Variants in UCKL1 observed in about 807,000 individuals in gnomAD.
UCKL1 encodes the protein uridine-cytidine kinase 1 like 1.
A neutral mutation model predicts 59.2 loss-of-function variants in UCKL1; 65 were observed. The ratio of observed to expected loss-of-function variants is 1.10; its 90% CI spans 0.90 to 1.35. The LOEUF (loss-of-function observed/expected upper bound fraction) is 1.35, where lower values mean the gene tolerates loss of function less well. UCKL1 is among the 40% of genes most tolerant of loss of function. UCKL1 has a pLI of 0.00. For synonymous variants in UCKL1, 410 were observed against 323.1 expected, an observed-to-expected ratio of 1.27 and a Z score of -2.88; for missense variants, 703 against 784.3, an observed-to-expected ratio of 0.90 and a Z score of 1.24.
At chr20:63,946,322 T>C (rs767903361) in intron 2 of UCKL1, 55 bp from the exon 3 acceptor site, 61 of 1,548,882 alleles carry the variant, frequency 3.9e-5, no homozygotes, top group Non-Finnish European at 5.3e-5. Context: ...CCGGCACAGA[T>C]AGGTCCCAGA....
In UCKL1 at chr20:63,940,666, C is replaced by G; in HGVS notation, c.1230G>C (p.Leu410=). ...TGCGCACGTCTTTGCACACAGCGCG[C>G]AGCGCGGGCTCCATGGTTTCACCGG... ...LRAGETMEPA[L]RAVCKDVRIG... The change falls in exon 12 of 15, where the codon CTG becomes CTC. Residue 410 remains leucine (L), a synonymous_variant. Coordinates refer to ENST00000354216, the MANE Select transcript of UCKL1 (RefSeq NM_017859.4). 1 of 1,608,876 alleles carries G rather than the reference C, an allele frequency of 6.2e-7. No individual in the cohort carries two copies. Among genetic ancestry groups the G allele is most frequent in the African/African-American group, 1.3e-5 (1 of 75,034 alleles).
Position 63,940,797 on chromosome 20 carries a change from C to A in UCKL1, c.1176G>T (p.Lys392Asn). 1 of 1,588,772 alleles carries A rather than the reference C, an allele frequency of 6.3e-7. No homozygotes were observed. The highest frequency in any genetic ancestry group is 8.6e-7 in the Non-Finnish European group (1 of 1,169,046). The change falls in exon 11 of 15, where the codon AAG becomes AAT. Residue 392 changes from lysine (K) to asparagine (N), a missense_variant. Physicochemically the swap from Lys to Asn is moderately conservative, Grantham distance 94. Coordinates refer to ENST00000354216, the MANE Select transcript of UCKL1 (RefSeq NM_017859.4). Reference protein sequence around the residue: ...QDYAGKCYAGKQITGVSILRA... With the variant: ...QDYAGKCYAGNQITGVSILRA... ...CCAGGTGTGCCCAGGCAGGTACCTG[C>A]TTCCCCGCATAGCACTTGCCCGCAT...
At chr20:63,954,590 G>A (rs76321513) in intron 1 of UCKL1, 12,322 of 152,412 alleles carry the variant, frequency 0.081, 672 homozygotes, top group Middle Eastern at 0.23. Context: ...TCGGGGAACA[G>A]TGAGAAAAGC....
Position 63,941,206 on chromosome 20 carries a change from G to A in UCKL1, c.926C>T (p.Ala309Val). The change falls in exon 9 of 15, where the codon GCT becomes GTT. Residue 309 changes from alanine (A) to valine (V), a missense_variant and splice_region_variant. By Grantham distance (64) the Ala-to-Val change is moderately conservative. Transcript: ENST00000354216. ...GCACTGGTGTGCCGAGGCCAGCGCA[G>A]CCCTGGGGACAAACCGATGGGGAAC... ...QLEERELSVR[A>V]ALASAHQCHP... The A allele has an allele frequency of 1.3e-6, 2 of 1,527,730 alleles. No homozygotes were observed. The highest frequency in any genetic ancestry group is 1.7e-6 in the Non-Finnish European group (2 of 1,143,208). 94.6% of individuals were successfully genotyped at this position (1,527,730 alleles called of 1,614,324 possible).
At position 63,940,414 on chromosome 20, in the gene UCKL1, C is replaced by T; in HGVS notation, c.1374G>A (p.Thr458=). 3.1e-6 allele frequency: 5 copies of T among 1,611,958 alleles called. No homozygotes were observed. The highest frequency in any genetic ancestry group is 3.4e-6 in the Non-Finnish European group (4 of 1,179,358). The change falls in exon 13 of 15, where the codon ACG becomes ACA. Residue 458 remains threonine, a synonymous_variant. Transcript: ENST00000354216. ...GCACTGCCATCATGGCCGCCGCGCC[C>T]GTGGACACGGTGCAGTCCATGAGGA... ...HVILMDCTVS[T]GAAAMMAVRV... is the part of the protein sequence containing the mutation.
At chr20:63,944,962 G>A (rs981359198) in intron 5 of UCKL1, among the ~76,000 whole-genome samples, 1 of 152,212 alleles carries the variant, frequency 6.6e-6, no homozygotes, top group Non-Finnish European at 1.5e-5. Flanking sequence ...GGAAGGAGTG[G>A]GGAGGTGGGG....
intron 2 of UCKL1, 70 bp downstream of exon 2, chr20:63,946,383 C>T: frequency 6.6e-7 from 1 of 1,521,812 alleles, no homozygotes; most frequent in Non-Finnish European, 8.9e-7. Flanking sequence ...CCTTCTCCTG[C>T]TCCACAGGCA....
At chr20:63,947,174 T>C (rs1335400441) in intron 1 of UCKL1, among the ~76,000 whole-genome samples, 1 of 151,792 alleles carries the variant, frequency 6.6e-6, no homozygotes, top group African/African-American at 2.4e-5. Flanking sequence ...ATCATCACTG[T>C]CCACACAGCA....
chr20:63,953,708 A>C (rs2058077469), intron 1 of UCKL1: 1 of 152,456 alleles, frequency 6.6e-6, no homozygotes, highest in South Asian at 2.1e-4. Flanking sequence ...AAAGAAAGGA[A>C]GAAAAATAAG....
chr20:63,941,805 G>C (rs1450474244), intron 8 of UCKL1, among the ~76,000 whole-genome samples: 3 of 152,106 alleles, frequency 2.0e-5, no homozygotes, highest in Admixed American at 6.5e-5. Context: ...GCAAGAAAGA[G>C]GTGGGACAGG....
At chr20:63,953,553 T>C (rs1394783861) in intron 1 of UCKL1, 2 of 150,712 alleles carry the variant, frequency 1.3e-5, no homozygotes, top group Admixed American at 1.3e-4. Flanking sequence ...ATACAAAAAA[T>C]TAGCTGGGCG....
chr20:63,943,883 G>A (rs944780056), intron 7 of UCKL1, among the ~76,000 whole-genome samples: 8 of 152,008 alleles, frequency 5.3e-5, no homozygotes, highest in Non-Finnish European at 7.4e-5. Flanking sequence ...CAGGACCCTG[G>A]GCTCTGTTCT....
chr20:63,949,592 C>A (rs1051122843), intron 1 of UCKL1, among the ~76,000 whole-genome samples: 1 of 152,238 alleles, frequency 6.6e-6, no homozygotes, highest in South Asian at 2.1e-4. Context: ...CACAGTGGGG[C>A]AGTCCTGCTT....
Position 63,944,669 on chromosome 20 carries a change from C to G in UCKL1, c.720G>C (p.Arg240=). ...SDIRLVRRLR[R]DISERGRDIE... ...TGTCCCGGCCGCGCTCACTGATGTC[C>G]CGGCGCAGCCGCCGTACCAGGCGGA... is the stretch of plus-strand genomic sequence containing the variant. Residue 240 remains arginine (R), a synonymous_variant, in exon 6 of 15, where the codon CGG becomes CGC. Transcript: ENST00000354216. 3 of 1,612,710 alleles carry G rather than the reference C, an allele frequency of 1.9e-6. No individual in the cohort carries two copies. The highest frequency in any genetic ancestry group is 2.5e-6 in the Non-Finnish European group (3 of 1,179,958).
Position 63,956,375 on chromosome 20 carries a change from C to A in UCKL1, c.-3G>T. 6.7e-7 allele frequency: 1 copy of A among 1,494,232 alleles called. No individual in the cohort carries two copies. The allele number at this position is 1,494,232 out of a possible 1,614,324, so 92.6% of individuals were successfully genotyped here. A position where few individuals can be genotyped will look rare whatever the true frequency, so the allele number is the denominator to read the frequency against. ...GCGCGGGCCGGGGGCGCAGCCATGG[C>A]GCTCGGAGGCCTCTTTGCGGGCCTG... On this transcript the variant is annotated 5_prime_UTR_variant, in exon 1 of 15. Transcript: ENST00000354216.
chr20:63,951,111 A>G (rs2320225), intron 1 of UCKL1: 658,151 of 1,148,488 alleles, frequency 0.57, 192,974 homozygotes, highest in African/African-American at 0.63. Context: ...GAGGCCCTTG[A>G]AGCCTCCACC....
At chr20:63,949,496 G>A (rs1357644162) in intron 1 of UCKL1, among the ~76,000 whole-genome samples, 1 of 152,130 alleles carries the variant, frequency 6.6e-6, no homozygotes, top group Non-Finnish European at 1.5e-5. Context: ...CATGACCAAC[G>A]CACCAGCAGT....
In UCKL1 at chr20:63,940,630, G is replaced by A; in HGVS notation, c.1266C>T (p.Ile422=). The A allele has an allele frequency of 6.2e-7, 1 of 1,610,086 alleles. No individual in the cohort carries two copies. The highest frequency in any genetic ancestry group is 8.5e-7 in the Non-Finnish European group (1 of 1,179,636). Residue 422 remains isoleucine (I), a synonymous_variant, in exon 12 of 15, where the codon ATC becomes ATT. Coordinates refer to ENST00000354216, the MANE Select transcript of UCKL1 (RefSeq NM_017859.4). ...AVCKDVRIGT[I]LIQTNQLTGE... ...CGGTAAGCTGGTTGGTCTGGATGAG[G>A]ATGGTGCCGATGCGCACGTCTTTGC...
At chr20:63,944,799 A>AGCCCCTGCACTGAG in intron 5 of UCKL1, 65 bp from the exon 6 acceptor site, 1 of 1,582,308 alleles carries the variant, frequency 6.3e-7, no homozygotes, top group Non-Finnish European at 8.6e-7. Flanking sequence ...CACTGGGACC[A>AGCCCCTGCACTGAG]GCCCCTGCAC....
Sources: gnomAD v4.1 joint callset for allele counts (sites outside exome capture counted in the v4.1 genomes callset) on GRCh38, gnomAD v4.1.1 for gene constraint, MANE v1.5 for transcripts, NCBI Gene and HGNC (gene_info 2026-07-23, HGNC 2026-07-21) for gene names.